The following PIEZO2 variants were observed in gnomAD, a reference collection of about 807,000 sequenced individuals.
PIEZO2 encodes piezo-type mechanosensitive ion channel component 2.
PIEZO2 carries 172 observed loss-of-function variants against 337.3 expected under a neutral mutation model. The observed-to-expected ratio is 0.51, with a 90% CI of 0.45 to 0.58. The LOEUF is 0.58. Ranked by LOEUF, PIEZO2 falls within the 20% of genes least tolerant of loss-of-function variation. The pLI is 0.00. For synonymous variants in PIEZO2, 1,251 were observed against 1,228.5 expected (o/e 1.02, Z -0.38); for missense variants, 3,028 against 3,391.3 (o/e 0.89, Z 2.66).
intron 4 of PIEZO2, among the ~76,000 whole-genome samples, chr18:10,875,113 A>G (rs1029022620): frequency 1.3e-5 from 2 of 152,166 alleles, no homozygotes; most frequent in African/African-American, 4.8e-5. Flanking sequence ...TTAAAAAATG[A>G]TCTGGAAGAG....
intron 36 of PIEZO2, among the ~76,000 whole-genome samples, chr18:10,722,799 G>A (rs978894838): frequency 1.3e-5 from 2 of 152,092 alleles, no homozygotes; most frequent in African/African-American, 4.8e-5. Flanking sequence ...CACCTAGCGG[G>A]TGAACATAAA....
chr18:10,811,096 A>G (rs9961777), intron 7 of PIEZO2, among the ~76,000 whole-genome samples: 40,807 of 152,016 alleles, frequency 0.27, 5,860 homozygotes, highest in East Asian at 0.36. Context: ...GTTAATATTC[A>G]CCAATACCCT....
intron 3 of PIEZO2, among the ~76,000 whole-genome samples, chr18:10,958,049 T>TA (rs2033616159): frequency 6.6e-6 from 1 of 152,140 alleles, no homozygotes; most frequent in Non-Finnish European, 1.5e-5. Context: ...AGGGAACACT[T>TA]ACACTCTGTG....
chr18:10,790,994 G>A (rs1331125355), intron 14 of PIEZO2, among the ~76,000 whole-genome samples: 1 of 152,160 alleles, frequency 6.6e-6, no homozygotes. Flanking sequence ...GCGAGCCACG[G>A]CGCCCGGCCC....
intron 2 of PIEZO2, among the ~76,000 whole-genome samples, chr18:11,029,280 A>G (rs1369447759): frequency 6.6e-6 from 1 of 152,112 alleles, no homozygotes; most frequent in Non-Finnish European, 1.5e-5. Context: ...AAATGTCACC[A>G]CCACTGTCCT....
chr18:11,012,771 C>T (rs1038304872), intron 2 of PIEZO2, among the ~76,000 whole-genome samples: 3 of 152,154 alleles, frequency 2.0e-5, no homozygotes, highest in Non-Finnish European at 4.4e-5. Context: ...AGGCCTAGCA[C>T]AGGGGCTCAT....
At chr18:11,141,246 G>A (rs1291258684) in intron 1 of PIEZO2, among the ~76,000 whole-genome samples, 1 of 152,196 alleles carries the variant, frequency 6.6e-6, no homozygotes, top group Non-Finnish European at 1.5e-5. Flanking sequence ...CCGCCAGTCA[G>A]GACTACAAGC....
chr18:10,671,869 C>A, intron 55 of PIEZO2, 90 bp from the exon 56 acceptor site: 1 of 1,196,622 alleles, frequency 8.4e-7, no homozygotes, highest in Non-Finnish European at 1.1e-6. Flanking sequence ...TATTACTTTC[C>A]CTCAAATTCT....
At chr18:10,686,563 A>C (rs1464207903) in intron 49 of PIEZO2, among the ~76,000 whole-genome samples, 1 of 152,236 alleles carries the variant, frequency 6.6e-6, no homozygotes, top group African/African-American at 2.4e-5. Context: ...GTCTAGGCTC[A>C]GGGTATTAAG....
At chr18:10,743,333 G>A (rs547073292) in intron 31 of PIEZO2, among the ~76,000 whole-genome samples, 3 of 152,210 alleles carry the variant, frequency 2.0e-5, no homozygotes, top group East Asian at 3.9e-4. Context: ...GGGGGCAAAT[G>A]GTGTCTCCAT....
Position 11,027,144 on chromosome 18 carries a change from T to TAA in PIEZO2, c.160+38981_160+38982dup, listed in dbSNP as rs1794390051. Among the ~76,000 whole-genome samples the TAA allele has an allele frequency of 6.6e-6, 1 of 152,106 alleles. No homozygotes were observed. Among genetic ancestry groups the TAA allele is most frequent in the Admixed American group, 6.5e-5 (1 of 15,280 alleles). On this transcript the variant is annotated intron_variant, in intron 2 of 55. Coordinates refer to ENST00000674853, the MANE Select transcript of PIEZO2 (RefSeq NM_001378183.1). This position sits in a 1 kb window ranked among gnomAD's most constrained non-coding sequence, Gnocchi z 4.2. ...ATGACAAACAGCGATTTGGACAAAC[T>TAA]AAAGTAGGAGCCAGAATTCAAGGGG... is the stretch of plus-strand genomic sequence containing the variant.
At chr18:10,921,783 A>G (rs2031425729) in intron 3 of PIEZO2, among the ~76,000 whole-genome samples, 1 of 152,156 alleles carries the variant, frequency 6.6e-6, no homozygotes. Flanking sequence ...CTCAGCAAGG[A>G]ACATCCCTGA....
chr18:10,674,060 C>G (rs561236404), intron 54 of PIEZO2, among the ~76,000 whole-genome samples: 2 of 152,132 alleles, frequency 1.3e-5, no homozygotes, highest in African/African-American at 4.8e-5. Context: ...TGGTACTTGA[C>G]AAAAAATGTC....
chr18:11,023,885 C>T (rs2036420335), intron 2 of PIEZO2, among the ~76,000 whole-genome samples: 1 of 152,328 alleles, frequency 6.6e-6, no homozygotes, highest in African/African-American at 2.4e-5. Context: ...CAGCCGCTGG[C>T]CCGGGTGCTA....
intron 2 of PIEZO2, among the ~76,000 whole-genome samples, chr18:11,057,222 A>G (rs2037762463): frequency 2.0e-5 from 3 of 152,064 alleles, no homozygotes; most frequent in South Asian, 2.1e-4. Context: ...TGCCTTGACA[A>G]TGTTCCAGTT....
At chr18:11,087,661 C>T (rs1245653018) in intron 1 of PIEZO2, among the ~76,000 whole-genome samples, 1 of 152,134 alleles carries the variant, frequency 6.6e-6, no homozygotes, top group African/African-American at 2.4e-5. Context: ...ATTTTCCTTC[C>T]CTCCCTTATT....
At position 10,797,517 on chromosome 18, in the gene PIEZO2, G is replaced by A. The variant is rs1568069621; in HGVS notation, c.1384C>T (p.Arg462Ter). Residue 462 changes from arginine (R) to a stop codon, truncating the protein, a stop_gained, in exon 12 of 56, where the codon CGA becomes TGA. Transcript: ENST00000674853. LOFTEE classifies it high-confidence loss of function. The stretch of plus-strand genomic sequence containing the variant: ...TCTTTCTCTTCCTCTTCCTCCTCTC[G>A]CTTTTCTAGATGGACGAATACTTTA... ...WEPSDESSEK[R>*]EEEEEEKEEF... 2 of 1,536,040 alleles carry A rather than the reference G, an allele frequency of 1.3e-6. No individual in the cohort carries two copies. Among genetic ancestry groups the A allele is most frequent in the Non-Finnish European group, 1.7e-6 (2 of 1,146,492 alleles).
Position 10,807,169 on chromosome 18 carries a change from C to T in PIEZO2, c.1023G>A (p.Leu341=), listed in dbSNP as rs61750910. 0.065 allele frequency: 100,138 copies of T among 1,537,090 alleles called. 3,547 individuals are homozygous for T. Among genetic ancestry groups the T allele is most frequent in the Non-Finnish European group, 0.071 (81,677 of 1,146,780 alleles). ...TGGCCAGAGTGTAGTACATCACCAG[C>T]AGGAGGATAGGGTTGGCGTGGTGGT... ...SWYHHANPIL[L]LVMYYTLATL... The change falls in exon 8 of 56, where the codon CTG becomes CTA. Residue 341 remains leucine (L), a synonymous_variant. Transcript: ENST00000674853.
rs776704849 is a variant in PIEZO2 at position 10,671,509 on chromosome 18, A to C, written c.*18T>G. 4.4e-6 allele frequency: 7 copies of C among 1,591,860 alleles called. No individual in the cohort carries two copies. The highest frequency in any genetic ancestry group is 6.0e-6 in the Non-Finnish European group (7 of 1,169,236). Reference sequence around the variant, plus strand: ...AAATTCAAATGTTAACATTATTTGCAGTCTGTGTTCTAAGGTTTCAATTTG... The same window carrying C: ...AAATTCAAATGTTAACATTATTTGCCGTCTGTGTTCTAAGGTTTCAATTTG... On this transcript the variant is annotated 3_prime_UTR_variant, in exon 56 of 56. Coordinates refer to ENST00000674853, the MANE Select transcript of PIEZO2 (RefSeq NM_001378183.1).
Sources: allele counts gnomAD v4.1 joint callset (sites outside exome capture counted in the v4.1 genomes callset), GRCh38; gene constraint gnomAD v4.1.1; non-coding constraint Gnocchi (gnomAD v3.1); transcripts MANE v1.5; gene names NCBI Gene and HGNC (gene_info 2026-07-23, HGNC 2026-07-21).